TMCO4: variants seen among roughly 807,000 people sequenced by gnomAD.
TMCO4 encodes the protein transmembrane and coiled-coil domain-containing protein 4.
A neutral mutation model predicts 64.7 loss-of-function variants in TMCO4; 58 were observed. The observed-to-expected ratio is 0.90, with a 90% CI of 0.73 to 1.12. The LOEUF (loss-of-function observed/expected upper bound fraction) is 1.12, where lower values mean the gene tolerates loss of function less well. TMCO4 is among the 50% of genes most tolerant of loss of function. The probability of loss-of-function intolerance (pLI) is 0.00; values close to 1 mark genes in which losing one functional copy is unlikely to be tolerated. For missense variants in TMCO4, 780 were observed against 825.9 expected, an observed-to-expected ratio of 0.94 and a Z score of 0.68; for synonymous variants, 325 against 346.1, an observed-to-expected ratio of 0.94 and a Z score of 0.68.
intron 3 of TMCO4, among the ~76,000 whole-genome samples, chr1:19,782,443 C>A (rs1192917439): frequency 6.6e-6 from 1 of 152,140 alleles, no homozygotes; most frequent in Non-Finnish European, 1.5e-5. Flanking sequence ...GAAATGATCT[C>A]TATCTTGACC....
intron 6 of TMCO4, among the ~76,000 whole-genome samples, chr1:19,759,700 CT>C (rs947844412): frequency 6.6e-6 from 1 of 152,200 alleles, no homozygotes; most frequent in Non-Finnish European, 1.5e-5. Flanking sequence ...TTAAATATCA[CT>C]TCCTTAGAGA....
intron 6 of TMCO4, among the ~76,000 whole-genome samples, chr1:19,769,284 C>A (rs1220380333): frequency 6.6e-6 from 1 of 152,218 alleles, no homozygotes; most frequent in African/African-American, 2.4e-5. Flanking sequence ...AGCAGTTCTG[C>A]AGCATGAAGA....
intron 5 of TMCO4, 28 bp from the exon 6 acceptor site, chr1:19,770,597 G>A: frequency 6.2e-7 from 1 of 1,609,596 alleles, no homozygotes; most frequent in South Asian, 1.1e-5. Context: ...AGGCATCAAT[G>A]ACAAAGCTGA....
At chr1:19,786,466 G>C (rs1262746422) in intron 3 of TMCO4, among the ~76,000 whole-genome samples, 1 of 152,164 alleles carries the variant, frequency 6.6e-6, no homozygotes, top group East Asian at 1.9e-4. Flanking sequence ...TTTGACAAAG[G>C]GAAAAGCATG....
At position 19,700,802 on chromosome 1, in the gene TMCO4, C is replaced by A. The variant is rs535945007; in HGVS notation, c.1348G>T (p.Val450Leu). ...CCGTTGATGATCCTCCCGGACACCA[C>A]CTTCCGGAAAGGCTCCCAATGCTTG... ...EAKHWEPFRKVVSGRIINGYC... is the reference protein window; with the variant it reads ...EAKHWEPFRKLVSGRIINGYC... Residue 450 changes from valine to leucine, a missense_variant, in exon 14 of 16, where the codon GTG (valine) becomes TTG (leucine). Val to Leu is a conservative substitution (Grantham distance 32). Coordinates refer to ENST00000294543, the MANE Select transcript of TMCO4 (RefSeq NM_181719.7). The A allele has an allele frequency of 4.5e-5, 72 of 1,614,250 alleles. No individual in the cohort carries two copies. In the South Asian group the frequency reaches 7.4e-4, roughly 16 times the overall value.
chr1:19,710,935 A>C (rs1439309135), intron 13 of TMCO4, among the ~76,000 whole-genome samples: 1 of 152,210 alleles, frequency 6.6e-6, no homozygotes, highest in Non-Finnish European at 1.5e-5. Context: ...GTGGGTGAAC[A>C]GATACTGCTA....
chr1:19,763,138 C>T (rs149352885), intron 6 of TMCO4, among the ~76,000 whole-genome samples: 508 of 151,926 alleles, frequency 3.3e-3, no homozygotes, highest in African/African-American at 0.011. Flanking sequence ...TGCAGTGGCA[C>T]GATCTTGGCT....
At chr1:19,729,402 C>T in intron 13 of TMCO4, among the ~76,000 whole-genome samples, 1 of 150,564 alleles carries the variant, frequency 6.6e-6, no homozygotes, top group South Asian at 2.2e-4. Context: ...CCCACCTTGG[C>T]CTCCCAAAGT....
Position 19,747,183 on chromosome 1 carries a change from A to G in TMCO4, c.593T>C (p.Val198Ala). Residue 198 changes from valine to alanine, a missense_variant, in exon 8 of 16, where the codon GTC (valine) becomes GCC (alanine). Val to Ala is a moderately conservative substitution (Grantham distance 64). Coordinates refer to ENST00000294543, the MANE Select transcript of TMCO4 (RefSeq NM_181719.7). ...KRYLLIGLATVGGGTVIGVTG... is the reference protein window; with the variant it reads ...KRYLLIGLATAGGGTVIGVTG... ...CTCACCGATCACCGTTCCGCCTCCG[A>G]CAGTCGCCAGGCCTATCAGGAGATA... 1.2e-6 allele frequency: 2 copies of G among 1,613,992 alleles called. No individual in the cohort carries two copies. The highest frequency in any genetic ancestry group is 2.2e-5 in the South Asian group (2 of 91,072).
chr1:19,712,848 T>C (rs1317094514), intron 13 of TMCO4, among the ~76,000 whole-genome samples: 1 of 152,192 alleles, frequency 6.6e-6, no homozygotes, highest in Non-Finnish European at 1.5e-5. Context: ...CAGTGATTAT[T>C]TCCCATGAGC....
intron 13 of TMCO4, among the ~76,000 whole-genome samples, chr1:19,723,950 T>C (rs1050519058): frequency 9.9e-5 from 15 of 152,158 alleles, no homozygotes; most frequent in African/African-American, 3.6e-4. Context: ...ACAACCCACA[T>C]TCAAGGTGAG....
At chr1:19,752,177 T>G (rs1320289651) in intron 7 of TMCO4, among the ~76,000 whole-genome samples, 2 of 152,184 alleles carry the variant, frequency 1.3e-5, no homozygotes, top group African/African-American at 4.8e-5. Context: ...AAAGGGGAGA[T>G]GTTTGCTCTG....
chr1:19,786,384 C>A (rs942169516), intron 3 of TMCO4, among the ~76,000 whole-genome samples: 10 of 152,170 alleles, frequency 6.6e-5, no homozygotes, highest in African/African-American at 2.4e-4. Context: ...AGCACTGGCT[C>A]CCTGGAGAAG....
chr1:19,729,781 CAAAT>C (rs2095423047), intron 13 of TMCO4, among the ~76,000 whole-genome samples: 3 of 151,848 alleles, frequency 2.0e-5, no homozygotes, highest in African/African-American at 2.4e-5. Flanking sequence ...AATAAATAAA[CAAAT>C]AAATAAATAA....
intron 4 of TMCO4, among the ~76,000 whole-genome samples, chr1:19,778,717 T>C (rs888171528): frequency 2.6e-5 from 4 of 152,186 alleles, no homozygotes; most frequent in Admixed American, 6.5e-5. Context: ...TGAACCCAGA[T>C]CTGAGTCCAG....
chr1:19,782,700 C>G (rs550469909), intron 3 of TMCO4, among the ~76,000 whole-genome samples: 1 of 152,006 alleles, frequency 6.6e-6, no homozygotes, highest in South Asian at 2.1e-4. Context: ...AGAGGGGACA[C>G]GCCAAGAAGG....
rs778074463 is a variant in TMCO4, at chr1:19,694,543, C to G, written c.1391G>C (p.Trp464Ser). Residue 464 changes from tryptophan to serine, a missense_variant, in exon 15 of 16, where the codon TGG becomes TCG. Physicochemically the swap from Trp to Ser is radical, Grantham distance 177 (BLOSUM62 -3). Transcript: ENST00000294543. ...TGTGCGGTACACGAAACTCAGCAGCCAGTCTCCCCTGTGGGAGGGTAGAGA... is the reference window on the plus strand; with the variant it reads ...TGTGCGGTACACGAAACTCAGCAGCGAGTCTCCCCTGTGGGAGGGTAGAGA... ...RIINGYCRGD[W>S]LLSFVYRTSS... 4 of 1,613,996 alleles carry G rather than the reference C, an allele frequency of 2.5e-6. No individual in the cohort carries two copies. In the East Asian group the frequency reaches 8.9e-5, roughly 36 times the overall value.
At position 19,699,030 on chromosome 1, in the gene TMCO4, A is replaced by C. The variant is rs1180269010; in HGVS notation, c.1382+1738T>G. Among the ~76,000 whole-genome samples, 4 of 152,290 alleles carry C rather than the reference A, an allele frequency of 2.6e-5. No homozygotes were observed. The East Asian group carries it at 7.7e-4, about 29-fold the overall frequency. On this transcript the variant is annotated intron_variant, in intron 14 of 15. Coordinates refer to ENST00000294543, the MANE Select transcript of TMCO4 (RefSeq NM_181719.7). ...GCTAACACGGTGAAACCCCATCTCT[A>C]CTAAAAATACAATAAATTAGCCGGG...
chr1:19,691,161 C>T (rs747258610), intron 15 of TMCO4, among the ~76,000 whole-genome samples: 22 of 152,168 alleles, frequency 1.4e-4, no homozygotes, highest in Non-Finnish European at 2.6e-4. Context: ...AGTCACTGCA[C>T]CCGGCCCCTG....
Sources: allele counts gnomAD v4.1 joint callset (sites outside exome capture counted in the v4.1 genomes callset), GRCh38; gene constraint gnomAD v4.1.1; transcripts MANE v1.5; gene names NCBI Gene and HGNC (gene_info 2026-07-23, HGNC 2026-07-21).